Variants in MCM3AP observed in about 807,000 individuals in gnomAD.
The protein encoded by MCM3AP is minichromosome maintenance complex component 3 associated protein, also known as germinal-center associated nuclear protein.
A neutral mutation model predicts 184.1 loss-of-function variants in MCM3AP; 126 were observed. That is an observed-to-expected ratio of 0.68 (90% confidence interval 0.59 to 0.79). MCM3AP has a LOEUF of 0.79. Among genes scored for constraint, MCM3AP ranks in the 30% least tolerant of loss-of-function variants. MCM3AP has a pLI of 0.00. For missense variants in MCM3AP, 2,496 were observed against 2,479.2 expected, an observed-to-expected ratio of 1.01 and a Z score of -0.14; for synonymous variants, 1,002 against 979.3, an observed-to-expected ratio of 1.02 and a Z score of -0.43.
chr21:46,274,783 A>G (rs1430346191), intron 6 of MCM3AP, among the ~76,000 whole-genome samples: 1 of 151,920 alleles, frequency 6.6e-6, no homozygotes, highest in Non-Finnish European at 1.5e-5. Context: ...AAAAAATAAA[A>G]CAGTAACTAG....
intron 20 of MCM3AP, among the ~76,000 whole-genome samples, chr21:46,248,801 G>T (rs887049592): frequency 6.6e-6 from 1 of 152,132 alleles, no homozygotes; most frequent in African/African-American, 2.4e-5. Flanking sequence ...AGGACAATTG[G>T]AAAATAAAGT....
rs925514602 is a variant in MCM3AP at position 46,283,082 on chromosome 21, C to T, written c.1443+533G>A. On this transcript the variant is annotated intron_variant, in intron 2 of 27. Coordinates refer to ENST00000291688, the MANE Select transcript of MCM3AP (RefSeq NM_003906.5). ...CTGAGATGACAGGCGCGAGCCACCA[C>T]ACCCAGCTAATTTTTTGTATTTTTA... is the stretch of plus-strand genomic sequence containing the variant. Among the ~76,000 whole-genome samples, 8 of 152,026 alleles carry T rather than the reference C, an allele frequency of 5.3e-5. No homozygotes were observed. In the East Asian group the frequency reaches 1.4e-3, roughly 26 times the overall value.
intron 9 of MCM3AP, among the ~76,000 whole-genome samples, chr21:46,268,839 T>C (rs1274700786): frequency 1.3e-5 from 2 of 151,888 alleles, no homozygotes; most frequent in African/African-American, 2.4e-5. Flanking sequence ...AGGCTAGGAG[T>C]TCGAGATCAG....
intron 7 of MCM3AP, among the ~76,000 whole-genome samples, chr21:46,273,034 G>A (rs1227143464): frequency 1.3e-5 from 2 of 151,976 alleles, no homozygotes; most frequent in Non-Finnish European, 2.9e-5. Context: ...CTGGAGTGCA[G>A]TGGTGTCATC....
In MCM3AP at chr21:46,265,405, G is replaced by T. The variant is rs775290327; in HGVS notation, c.3150C>A (p.Thr1050=). ...GGAAGAGGCTGGGCGCCACAGACGG[G>T]GTCAGTGCCAGGACAGGAGGCAGAG... ...PVPLPPVLAL[T]PSVAPSLFQL... Residue 1050 remains threonine, a synonymous_variant, in exon 12 of 28, where the codon ACC becomes ACA. Transcript: ENST00000291688. 1 of 1,614,030 alleles carries T rather than the reference G, an allele frequency of 6.2e-7. No homozygotes were observed. The highest frequency in any genetic ancestry group is 8.5e-7 in the Non-Finnish European group (1 of 1,179,984).
At chr21:46,278,671 G>T (rs12626799) in intron 4 of MCM3AP, among the ~76,000 whole-genome samples, 4 of 152,126 alleles carry the variant, frequency 2.6e-5, no homozygotes, top group South Asian at 2.1e-4. Context: ...CCTTCCTTTA[G>T]GAGACAGCCT....
intron 2 of MCM3AP, among the ~76,000 whole-genome samples, chr21:46,280,916 T>C (rs2081323942): frequency 6.6e-6 from 1 of 152,116 alleles, no homozygotes; most frequent in African/African-American, 2.4e-5. Context: ...TGCATTCTCC[T>C]GCCTCAGCCT....
At chr21:46,249,675 T>A in intron 20 of MCM3AP, 1 of 426,750 alleles carries the variant, frequency 2.3e-6, no homozygotes, top group Admixed American at 2.9e-5. Context: ...AACAAGGGGC[T>A]GAACCAAGAA....
Position 46,283,616 on chromosome 21 carries a change from T to C in MCM3AP, c.1442A>G (p.His481Arg). 2 of 1,609,178 alleles carry C rather than the reference T, an allele frequency of 1.2e-6. No homozygotes were observed. The highest frequency in any genetic ancestry group is 8.5e-7 in the Non-Finnish European group (1 of 1,175,676). Residue 481 changes from histidine (H) to arginine (R), a missense_variant and splice_region_variant, in exon 2 of 28, where the codon CAT becomes CGT. Coordinates refer to ENST00000291688, the MANE Select transcript of MCM3AP (RefSeq NM_003906.5). ...AAATGGCAAGATGGGAGTACTCACA[T>C]GATCAAAGAAATGTACCACTGCAAG... Reference protein sequence around the residue: ...KKLAVVHFFDHASAALARKKG... With the variant: ...KKLAVVHFFDRASAALARKKG...
intron 26 of MCM3AP, 38 bp from the exon 27 acceptor site, chr21:46,237,017 A>C (rs769074633): frequency 1.5e-6 from 2 of 1,336,586 alleles, no homozygotes; most frequent in Non-Finnish European, 2.0e-6. Flanking sequence ...ATATTTGAGC[A>C]TTAGGAAGTT....
chr21:46,255,083 G>A (rs1032048717), intron 17 of MCM3AP, among the ~76,000 whole-genome samples: 2 of 152,210 alleles, frequency 1.3e-5, no homozygotes, highest in Non-Finnish European at 2.9e-5. Context: ...AATGGGGAGA[G>A]AACAGCATCT....
chr21:46,259,345 A>G, intron 15 of MCM3AP: 1 of 275,284 alleles, frequency 3.6e-6, no homozygotes, highest in Non-Finnish European at 6.8e-6. Flanking sequence ...AGTCCCAGCT[A>G]CTCGGGAGGC....
chr21:46,272,529 C>A (rs1193644678), intron 8 of MCM3AP, 32 bp downstream of exon 8: 2 of 1,602,514 alleles, frequency 1.2e-6, no homozygotes, highest in African/African-American at 1.3e-5. Flanking sequence ...TTTTCAGCCA[C>A]CTTAGGACAA....
rs545567629 is a variant in MCM3AP, at chr21:46,236,699, G to A, written c.5784+130C>T. On this transcript the variant is annotated intron_variant, in intron 27 of 27. Transcript: ENST00000291688. Reference sequence around the variant, plus strand: ...TGATATGGATAAAGTTTAAGAAAAGGTCTAATTTGAGCTAATAATTTGTCG... The same window carrying A: ...TGATATGGATAAAGTTTAAGAAAAGATCTAATTTGAGCTAATAATTTGTCG... 32 of 639,942 alleles carry A rather than the reference G, an allele frequency of 5.0e-5. 1 individual carries two copies. The highest frequency in any genetic ancestry group is 8.2e-5 in the Non-Finnish European group (31 of 378,188). The allele number at this position is 639,942 out of a possible 1,614,324, so 39.6% of individuals were successfully genotyped here. A position where few individuals can be genotyped will look rare whatever the true frequency, so the allele number is the denominator to read the frequency against.
In MCM3AP at chr21:46,265,989, G is replaced by A. The variant is rs770151620; in HGVS notation, c.2967C>T (p.Tyr989=). The A allele has an allele frequency of 2.5e-6, 4 of 1,607,778 alleles. No homozygotes were observed. The highest frequency in any genetic ancestry group is 3.3e-5 in the Admixed American group (2 of 59,726). ...GCTCCGCGGCCAGGCTCTCCCCGAT[G>A]TACTTGTTCTGGGAGTTGAAGCTGC... ...PVCSFNSQNK[Y]IGESLAAELP... is the part of the protein sequence containing the mutation. The change falls in exon 11 of 28, where the codon TAC becomes TAT. Residue 989 remains tyrosine, a synonymous_variant. Coordinates refer to ENST00000291688, the MANE Select transcript of MCM3AP (RefSeq NM_003906.5).
At chr21:46,273,341 G>A in intron 7 of MCM3AP, 47 bp downstream of exon 7, 1 of 1,525,494 alleles carries the variant, frequency 6.6e-7, no homozygotes, top group Non-Finnish European at 9.1e-7. Context: ...GTTTGACTTT[G>A]GAATTTGCGT....
intron 24 of MCM3AP, chr21:46,243,133 A>C: frequency 1.7e-6 from 1 of 601,658 alleles, no homozygotes; most frequent in Non-Finnish European, 2.9e-6. Flanking sequence ...ACTTGGGTTA[A>C]ATAGGCTCCC....
intron 10 of MCM3AP, 47 bp from the exon 11 acceptor site, chr21:46,266,213 G>A (rs1400123080): frequency 9.0e-6 from 14 of 1,553,058 alleles, no homozygotes; most frequent in Non-Finnish European, 1.2e-5. Flanking sequence ...CAGGGGAGAA[G>A]ACAGCTTCGC....
At chr21:46,282,928 TC>T (rs767602412) in intron 2 of MCM3AP, among the ~76,000 whole-genome samples, 11 of 152,180 alleles carry the variant, frequency 7.2e-5, no homozygotes, top group Non-Finnish European at 1.6e-4. Flanking sequence ...TCACTTTTTT[TC>T]TTTTTCTTTT....
Sources: allele counts gnomAD v4.1 joint callset (sites outside exome capture counted in the v4.1 genomes callset), GRCh38; gene constraint gnomAD v4.1.1; transcripts MANE v1.5; gene names NCBI Gene and HGNC (gene_info 2026-07-23, HGNC 2026-07-21).